Variants in TMEM108 observed in about 807,000 individuals in gnomAD.
The protein encoded by TMEM108 is cancer/testis antigen 124.
A neutral mutation model predicts 35.1 loss-of-function variants in TMEM108; 12 were observed. That is an observed-to-expected ratio of 0.34 (90% confidence interval 0.22 to 0.55). The LOEUF is 0.55. Ranked by LOEUF, TMEM108 falls within the 20% of genes least tolerant of loss-of-function variation. The probability of loss-of-function intolerance (pLI) is 0.89; values close to 1 mark genes in which losing one functional copy is unlikely to be tolerated. For synonymous variants in TMEM108, 287 were observed against 308.6 expected (o/e 0.93, Z 0.73); for missense variants, 680 against 753.3 (o/e 0.90, Z 1.14).
intron 2 of TMEM108, among the ~76,000 whole-genome samples, chr3:133,154,065 T>G (rs1383300337): frequency 3.3e-5 from 5 of 152,132 alleles, no homozygotes; most frequent in Admixed American, 6.6e-5. Flanking sequence ...TTTCATGTGT[T>G]TTTTGGCTGC....
At chr3:133,108,388 C>T (rs555965906) in intron 2 of TMEM108, among the ~76,000 whole-genome samples, 55 of 152,224 alleles carry the variant, frequency 3.6e-4, no homozygotes, top group African/African-American at 1.0e-3. Context: ...AGCATTTTTT[C>T]ATGTGTTTTT....
At position 133,116,980 on chromosome 3, in the gene TMEM108, G is replaced by T. The variant is rs954323582; in HGVS notation, c.-47+70960G>T. On this transcript the variant is annotated intron_variant, in intron 2 of 5. Transcript: ENST00000321871. ...AGATGGGGTTTCACCATGTTGGCCA[G>T]GCTAGTCTCCAACTCCCAACCTCAG... Among the ~76,000 whole-genome samples the T allele has an allele frequency of 3.9e-5, 6 of 152,248 alleles. No individual in the cohort carries two copies. In the South Asian group the frequency reaches 1.2e-3, roughly 32 times the overall value.
At chr3:133,285,017 C>T (rs949901458) in intron 3 of TMEM108, among the ~76,000 whole-genome samples, 3 of 151,220 alleles carry the variant, frequency 2.0e-5, no homozygotes, top group Non-Finnish European at 4.4e-5. Flanking sequence ...TTTATAATTT[C>T]TTTTTTCAAG....
At chr3:133,105,950 G>A (rs960001611) in intron 2 of TMEM108, among the ~76,000 whole-genome samples, 1 of 152,132 alleles carries the variant, frequency 6.6e-6, no homozygotes, top group South Asian at 2.1e-4. Flanking sequence ...AAAGGGTAAA[G>A]GTCCTTCTAA....
At chr3:133,256,485 A>G (rs1946547927) in intron 3 of TMEM108, among the ~76,000 whole-genome samples, 1 of 152,234 alleles carries the variant, frequency 6.6e-6, no homozygotes, top group African/African-American at 2.4e-5. Flanking sequence ...GGTTAATGAA[A>G]AACAACACAG....
intron 2 of TMEM108, among the ~76,000 whole-genome samples, chr3:133,119,836 A>G (rs1180126359): frequency 6.6e-6 from 1 of 152,218 alleles, no homozygotes; most frequent in African/African-American, 2.4e-5. Flanking sequence ...GTAAGGCATT[A>G]TTGTAATTAA....
chr3:133,166,389 T>C (rs1945037712), intron 2 of TMEM108, among the ~76,000 whole-genome samples: 1 of 151,316 alleles, frequency 6.6e-6, no homozygotes, highest in Non-Finnish European at 1.5e-5. Flanking sequence ...AAATAAAGAG[T>C]TTTGTGTCCA....
At chr3:133,204,016 G>T (rs1189026544) in intron 2 of TMEM108, among the ~76,000 whole-genome samples, 1 of 152,094 alleles carries the variant, frequency 6.6e-6, no homozygotes, top group Non-Finnish European at 1.5e-5. Context: ...TCCTGGTTTA[G>T]TTTTGGGAGG....
chr3:133,276,486 C>T (rs1048358169), intron 3 of TMEM108, among the ~76,000 whole-genome samples: 4 of 152,196 alleles, frequency 2.6e-5, no homozygotes, highest in African/African-American at 9.6e-5. Context: ...GGGCCTTGAT[C>T]ATGGCAGAAG....
At chr3:133,073,510 C>CTCTA in intron 2 of TMEM108, among the ~76,000 whole-genome samples, 18 of 43,908 alleles carry the variant, frequency 4.1e-4, no homozygotes, top group African/African-American at 1.1e-3. Context: ...CTCTCTCTCT[C>CTCTA]TATATATATA....
At chr3:133,244,184 T>G (rs1372309033) in intron 3 of TMEM108, among the ~76,000 whole-genome samples, 1 of 152,202 alleles carries the variant, frequency 6.6e-6, no homozygotes, top group Non-Finnish European at 1.5e-5. Flanking sequence ...CATGTTAACA[T>G]GTTTGATTGG....
chr3:133,067,120 A>C (rs1943617688), intron 2 of TMEM108, among the ~76,000 whole-genome samples: 1 of 152,170 alleles, frequency 6.6e-6, no homozygotes, highest in Non-Finnish European at 1.5e-5. Context: ...ACATAGGCAT[A>C]TATGTGTGAG....
At chr3:133,287,312 T>C (rs2107692506) in intron 3 of TMEM108, among the ~76,000 whole-genome samples, 1 of 152,306 alleles carries the variant, frequency 6.6e-6, no homozygotes. Context: ...TGGGTATGAG[T>C]GACCTCAGTT....
At chr3:133,106,118 T>C (rs1308128498) in intron 2 of TMEM108, among the ~76,000 whole-genome samples, 1 of 151,320 alleles carries the variant, frequency 6.6e-6, no homozygotes, top group Non-Finnish European at 1.5e-5. Context: ...GTGGGGAATA[T>C]GCAGTGTTGT....
intron 2 of TMEM108, among the ~76,000 whole-genome samples, chr3:133,207,156 A>T (rs532610963): frequency 2.0e-5 from 3 of 152,166 alleles, no homozygotes; most frequent in Non-Finnish European, 2.9e-5. Flanking sequence ...TGCGAAGACC[A>T]TGGGAAAAGC....
At chr3:133,058,258 A>G (rs188025510) in intron 2 of TMEM108, among the ~76,000 whole-genome samples, 13 of 152,254 alleles carry the variant, frequency 8.5e-5, no homozygotes, top group Admixed American at 7.2e-4. Context: ...TTGCCCTTTC[A>G]GCTAATCAGA....
chr3:133,075,328 A>G (rs1338419934), intron 2 of TMEM108, among the ~76,000 whole-genome samples: 3 of 152,140 alleles, frequency 2.0e-5, no homozygotes, highest in Non-Finnish European at 4.4e-5. Context: ...TCGCTCTACT[A>G]GCAGTTCTTG....
At chr3:133,084,622 A>G (rs1378537796) in intron 2 of TMEM108, among the ~76,000 whole-genome samples, 1 of 152,186 alleles carries the variant, frequency 6.6e-6, no homozygotes, top group South Asian at 2.1e-4. Flanking sequence ...AATGGCAACA[A>G]TAGCTAATAT....
At chr3:133,355,784 A>G (rs1193233997) in intron 3 of TMEM108, among the ~76,000 whole-genome samples, 1 of 152,212 alleles carries the variant, frequency 6.6e-6, no homozygotes, top group Non-Finnish European at 1.5e-5. Flanking sequence ...TGTATGATAA[A>G]CTGGTTAGAT....
Sources: allele counts gnomAD v4.1 joint callset (sites outside exome capture counted in the v4.1 genomes callset), GRCh38; gene constraint gnomAD v4.1.1; transcripts MANE v1.5; gene names NCBI Gene and HGNC (gene_info 2026-07-23, HGNC 2026-07-21).